USP12: variants seen among roughly 807,000 people sequenced by gnomAD.
USP12 encodes ubiquitin specific peptidase 12.
USP12 carries 19 observed loss-of-function variants against 45.5 expected under a neutral mutation model. The ratio of observed to expected loss-of-function variants is 0.42; its 90% CI spans 0.29 to 0.61. The LOEUF is 0.61. Among genes scored for constraint, USP12 ranks in the 20% least tolerant of loss-of-function variants. USP12 has a pLI of 0.22. For synonymous variants in USP12, 149 were observed against 148.8 expected (o/e 1.00, Z -0.01); for missense variants, 242 against 447.7 (o/e 0.54, Z 4.15).
chr13:27,076,096 C>T (rs539840176), intron 6 of USP12, among the ~76,000 whole-genome samples: 2 of 149,922 alleles, frequency 1.3e-5, no homozygotes, highest in South Asian at 4.2e-4. Context: ...TTCCTTTGGA[C>T]TTGGGTAGAC....
intron 1 of USP12, among the ~76,000 whole-genome samples, chr13:27,155,114 C>G (rs375132796): frequency 8.5e-6 from 1 of 117,928 alleles, no homozygotes; most frequent in Non-Finnish European, 1.6e-5. Flanking sequence ...CGGAACCTCG[C>G]TCTGTCACCC....
At chr13:27,092,554 TACACTC>T (rs1253155932) in intron 4 of USP12, among the ~76,000 whole-genome samples, 2 of 152,080 alleles carry the variant, frequency 1.3e-5, no homozygotes, top group African/African-American at 4.8e-5. Flanking sequence ...TGACCAGAAA[TACACTC>T]ACACAAATAA....
chr13:27,125,951 A>G (rs1876214073), intron 1 of USP12, among the ~76,000 whole-genome samples: 1 of 152,226 alleles, frequency 6.6e-6, no homozygotes, highest in African/African-American at 2.4e-5. Flanking sequence ...CTGTGCTTAC[A>G]GCATAAAGCA....
At chr13:27,111,211 GCTGA>G (rs1180490360) in intron 2 of USP12, among the ~76,000 whole-genome samples, 2 of 152,072 alleles carry the variant, frequency 1.3e-5, no homozygotes, top group East Asian at 1.9e-4. Context: ...TCCAGAATAA[GCTGA>G]CTTTCAATCT....
intron 6 of USP12, among the ~76,000 whole-genome samples, chr13:27,086,197 A>AATATATATATATATATATATATATATAT (rs1555233236): frequency 3.5e-5 from 2 of 56,934 alleles, no homozygotes; most frequent in Admixed American, 2.7e-4. Flanking sequence ...AAAAAAAAAA[A>AATATATATATATATATATATATATATAT]ATATATATAT....
intron 1 of USP12, among the ~76,000 whole-genome samples, chr13:27,155,317 G>A (rs887843953): frequency 2.0e-5 from 3 of 151,710 alleles, no homozygotes; most frequent in East Asian, 1.9e-4. Context: ...TCCTGACCTC[G>A]TGATCTGCCC....
intron 2 of USP12, among the ~76,000 whole-genome samples, chr13:27,107,668 T>C (rs1036974735): frequency 6.6e-6 from 1 of 152,148 alleles, no homozygotes; most frequent in Admixed American, 6.5e-5. Flanking sequence ...CCTTTTCCCA[T>C]CCAAAAGAAC....
intron 1 of USP12, among the ~76,000 whole-genome samples, chr13:27,162,681 T>A (rs553337215): frequency 1.3e-5 from 2 of 152,306 alleles, no homozygotes; most frequent in African/African-American, 4.8e-5. Context: ...TCATTTTAGG[T>A]AGGTTTCTTA....
intron 1 of USP12, among the ~76,000 whole-genome samples, chr13:27,155,336 C>T (rs1877787029): frequency 6.6e-6 from 1 of 151,962 alleles, no homozygotes; most frequent in Non-Finnish European, 1.5e-5. Flanking sequence ...CCGCCTTGGC[C>T]TCCCAAGGTG....
intron 1 of USP12, among the ~76,000 whole-genome samples, chr13:27,125,899 G>C (rs1218228573): frequency 6.6e-6 from 1 of 152,012 alleles, no homozygotes; most frequent in South Asian, 2.2e-4. Flanking sequence ...AGCTTGGCAG[G>C]GGGAGGGGCG....
At chr13:27,143,081 G>A (rs1358382198) in intron 1 of USP12, among the ~76,000 whole-genome samples, 1 of 133,466 alleles carries the variant, frequency 7.5e-6, no homozygotes, top group East Asian at 2.2e-4. Flanking sequence ...AACAGAGTGA[G>A]ACTCCGTCTC....
chr13:27,108,096 C>T (rs1193259349), intron 2 of USP12, among the ~76,000 whole-genome samples: 13 of 152,086 alleles, frequency 8.5e-5, no homozygotes, highest in East Asian at 3.9e-4. Flanking sequence ...ATGTTTATTG[C>T]GGCACTATTC....
At chr13:27,111,557 T>C (rs1004265233) in intron 2 of USP12, among the ~76,000 whole-genome samples, 14 of 152,194 alleles carry the variant, frequency 9.2e-5, no homozygotes, top group African/African-American at 3.4e-4. Flanking sequence ...TACAATCTCA[T>C]TCTTGCTTTC....
intron 6 of USP12, among the ~76,000 whole-genome samples, chr13:27,076,029 C>CAAAAAAAAAAAAAAAAAAAAAA (rs11458818): frequency 7.1e-5 from 7 of 98,004 alleles, no homozygotes; most frequent in African/African-American, 2.1e-4. Context: ...GGCTCCGTCT[C>CAAAAAAAAAAAAAAAAAAAAAA]AAAAAAAAAA....
At chr13:27,135,539 T>TC (rs1282892657) in intron 1 of USP12, among the ~76,000 whole-genome samples, 2 of 151,610 alleles carry the variant, frequency 1.3e-5, no homozygotes, top group Non-Finnish European at 2.9e-5. Flanking sequence ...ATGGTGAAAC[T>TC]CCATCTCTGC....
At chr13:27,146,897 G>T (rs767937579) in intron 1 of USP12, among the ~76,000 whole-genome samples, 8 of 152,130 alleles carry the variant, frequency 5.3e-5, no homozygotes, top group Non-Finnish European at 1.2e-4. Flanking sequence ...CTGGCATCCT[G>T]CTATTATAAA....
At chr13:27,137,316 G>C (rs1449490299) in intron 1 of USP12, among the ~76,000 whole-genome samples, 1 of 152,062 alleles carries the variant, frequency 6.6e-6, no homozygotes, top group African/African-American at 2.4e-5. Context: ...ATACATGATA[G>C]ATGTCATAAT....
At chr13:27,109,237 G>A (rs1875301984) in intron 2 of USP12, among the ~76,000 whole-genome samples, 1 of 152,070 alleles carries the variant, frequency 6.6e-6, no homozygotes. Context: ...AAGTTGATGG[G>A]GATGTTTAAA....
intron 6 of USP12, among the ~76,000 whole-genome samples, chr13:27,088,395 C>G (rs1441495641): frequency 1.6e-5 from 2 of 122,474 alleles, no homozygotes; most frequent in Non-Finnish European, 3.2e-5. Flanking sequence ...CCAGCCTGGG[C>G]GACAGAGCGA....
Sources: allele counts gnomAD v4.1 joint callset (sites outside exome capture counted in the v4.1 genomes callset), GRCh38; gene constraint gnomAD v4.1.1; transcripts MANE v1.5; gene names NCBI Gene and HGNC (gene_info 2026-07-23, HGNC 2026-07-21).